Variants in ZFAT observed in about 807,000 individuals in gnomAD.
ZFAT encodes zinc finger and AT-hook domain containing, also known as zinc finger protein ZFAT.
In ZFAT, 64 loss-of-function variants were observed where a neutral mutation model predicts 117.7. The observed-to-expected ratio is 0.54, with a 90% CI of 0.44 to 0.67. The LOEUF (loss-of-function observed/expected upper bound fraction) is 0.67, where lower values mean the gene tolerates loss of function less well. Among genes scored for constraint, ZFAT ranks in the 30% least tolerant of loss-of-function variants. The pLI is 0.00. For synonymous variants in ZFAT, 679 were observed against 615.0 expected (o/e 1.10, Z -1.54); for missense variants, 1,433 against 1,584.5 (o/e 0.90, Z 1.62).
intron 13 of ZFAT, among the ~76,000 whole-genome samples, chr8:134,520,349 G>A (rs565187380): frequency 4.4e-4 from 67 of 152,162 alleles, no homozygotes; most frequent in Non-Finnish European, 8.5e-4. Flanking sequence ...CAATTAGTCC[G>A]TGGTGGCAAT....
At chr8:134,767,994 C>T in the ZFAT span, among the ~76,000 whole-genome samples, 3 of 152,164 alleles carry the variant, frequency 2.0e-5, no homozygotes, top group Admixed American at 2.0e-4. Context: ...TATTTAAGAT[C>T]TTACTCTCTC....
chr8:134,772,331 G>A, the ZFAT span, among the ~76,000 whole-genome samples: 1 of 152,202 alleles, frequency 6.6e-6, no homozygotes, highest in Non-Finnish European at 1.5e-5. Flanking sequence ...AGTTCACGAA[G>A]GAAATTCAAA....
the ZFAT span, among the ~76,000 whole-genome samples, chr8:134,770,113 G>T: frequency 6.6e-6 from 1 of 152,222 alleles, no homozygotes; most frequent in East Asian, 1.9e-4. Context: ...CCATTGTCTT[G>T]GGGATTAACA....
intron 11 of ZFAT, among the ~76,000 whole-genome samples, chr8:134,540,964 C>T (rs566176106): frequency 1.1e-4 from 16 of 152,274 alleles, no homozygotes; most frequent in Middle Eastern, 6.8e-3. Context: ...TTCCGTGGAT[C>T]AAGTGGCCCT....
At chr8:134,495,487 G>A (rs2130186838) in intron 15 of ZFAT, among the ~76,000 whole-genome samples, 1 of 152,270 alleles carries the variant, frequency 6.6e-6, no homozygotes, top group African/African-American at 2.4e-5. Context: ...TCATCATCAT[G>A]CCTCCCCCAG....
chr8:134,829,419 C>T, the ZFAT span, among the ~76,000 whole-genome samples: 1 of 152,230 alleles, frequency 6.6e-6, no homozygotes, highest in East Asian at 1.9e-4. Context: ...CTCAGTTAAA[C>T]CATTATAGGT....
the ZFAT span, among the ~76,000 whole-genome samples, chr8:134,776,110 A>C: frequency 2.6e-5 from 4 of 152,190 alleles, no homozygotes; most frequent in Non-Finnish European, 5.9e-5. Context: ...TTAAATAGAA[A>C]CAGAAGATCC....
chr8:134,590,519 A>T (rs1049065004), intron 7 of ZFAT, among the ~76,000 whole-genome samples, 164 bp from the exon 8 acceptor site: 1 of 150,050 alleles, frequency 6.7e-6, no homozygotes, highest in Admixed American at 6.6e-5. Context: ...CATCAATACC[A>T]TCATCACCAC....
chr8:134,512,016 A>G (rs1224978811), intron 14 of ZFAT, among the ~76,000 whole-genome samples: 4 of 152,196 alleles, frequency 2.6e-5, no homozygotes, highest in Non-Finnish European at 2.9e-5. Context: ...TCCCTGAGGA[A>G]GCATGGAATG....
At chr8:134,702,049 T>C (rs1834021876) in intron 1 of ZFAT, among the ~76,000 whole-genome samples, 1 of 152,174 alleles carries the variant, frequency 6.6e-6, no homozygotes, top group Non-Finnish European at 1.5e-5. Flanking sequence ...CTGATCATAG[T>C]ACATTAGCAA....
At chr8:134,735,482 G>GA in the ZFAT span, among the ~76,000 whole-genome samples, 2 of 151,978 alleles carry the variant, frequency 1.3e-5, no homozygotes, top group African/African-American at 2.4e-5. Flanking sequence ...CAAAATGAAG[G>GA]AAAAAAATGG....
the ZFAT span, among the ~76,000 whole-genome samples, chr8:134,743,281 G>A: frequency 3.3e-4 from 50 of 152,242 alleles, no homozygotes; most frequent in African/African-American, 9.9e-4. Flanking sequence ...TTAAGGTCAG[G>A]AGTTCAAGAC....
chr8:134,636,735 G>A (rs1009031208), intron 3 of ZFAT, among the ~76,000 whole-genome samples: 13 of 152,308 alleles, frequency 8.5e-5, no homozygotes, highest in Non-Finnish European at 1.8e-4. Context: ...CTGCTCCAGC[G>A]TAGCCTTGCT....
the ZFAT span, among the ~76,000 whole-genome samples, chr8:134,724,699 C>G: frequency 6.6e-6 from 1 of 152,066 alleles, no homozygotes; most frequent in Non-Finnish European, 1.5e-5. Context: ...GGGTATCATT[C>G]TATCAGTTAC....
the ZFAT span, among the ~76,000 whole-genome samples, chr8:134,720,713 G>A: frequency 5.9e-5 from 9 of 152,260 alleles, no homozygotes; most frequent in South Asian, 2.1e-4. Flanking sequence ...GAAGAATCCC[G>A]AAGGCAAATA....
At chr8:134,622,230 T>C (rs1200235221) in intron 3 of ZFAT, among the ~76,000 whole-genome samples, 1 of 152,258 alleles carries the variant, frequency 6.6e-6, no homozygotes, top group Non-Finnish European at 1.5e-5. Flanking sequence ...CCCTACCACC[T>C]AGCTTTGTGC....
chr8:134,532,862 C>T lies in ZFAT; in HGVS notation c.3087G>A (p.Glu1029=). 3 of 1,609,774 alleles carry T rather than the reference C, an allele frequency of 1.9e-6. No individual in the cohort carries two copies. Among genetic ancestry groups the T allele is most frequent in the Non-Finnish European group, 2.5e-6 (3 of 1,178,156 alleles). Residue 1029 remains glutamate, a synonymous_variant, in exon 12 of 16, where the codon GAG becomes GAA. Transcript: ENST00000377838. ...NEEYANVGTG[E]LAAEVLIQQG... is the part of the protein sequence containing the mutation. ...GCTGGATGAGCACCTCCGCTGCCAGCTCCCCGGTGCCCACGTTGGCATACT... is the reference window on the plus strand; with the variant it reads ...GCTGGATGAGCACCTCCGCTGCCAGTTCCCCGGTGCCCACGTTGGCATACT...
At chr8:134,791,986 C>G in the ZFAT span, 2 of 152,076 alleles carry the variant, frequency 1.3e-5, 1 homozygote, top group South Asian at 4.2e-4. Flanking sequence ...CTTTGAAGAG[C>G]AGATCAAATG....
chr8:134,626,005 C>T (rs1462102379), intron 3 of ZFAT, among the ~76,000 whole-genome samples: 2 of 152,204 alleles, frequency 1.3e-5, no homozygotes, highest in Non-Finnish European at 2.9e-5. Flanking sequence ...CACATAGTCC[C>T]TGAGAGCCAG....
Sources: allele counts gnomAD v4.1 joint callset (sites outside exome capture counted in the v4.1 genomes callset), GRCh38; gene constraint gnomAD v4.1.1; transcripts MANE v1.5; gene names NCBI Gene and HGNC (gene_info 2026-07-23, HGNC 2026-07-21).